The following CCDC80 variants were observed in gnomAD, a reference collection of about 807,000 sequenced individuals.
The protein encoded by CCDC80 is coiled-coil domain-containing protein 80.
A neutral mutation model predicts 78.7 loss-of-function variants in CCDC80; 49 were observed. The observed-to-expected ratio is 0.62, with a 90% CI of 0.50 to 0.79. The LOEUF is 0.79. CCDC80 is among the 30% of genes least tolerant of loss of function. CCDC80 has a pLI of 0.00. For missense variants in CCDC80, 1,205 were observed against 1,198.6 expected (o/e 1.01, Z -0.08); for synonymous variants, 488 against 447.0 (o/e 1.09, Z -1.16).
At chr3:112,629,984 G>T in intron 3 of CCDC80, 129 bp downstream of exon 3, 1 of 820,580 alleles carries the variant, frequency 1.2e-6, no homozygotes, top group Non-Finnish European at 1.9e-6. Context: ...ACTGACCTGT[G>T]TTATCACAAC....
chr3:112,629,120 T>C (rs905170965), intron 3 of CCDC80, among the ~76,000 whole-genome samples: 16 of 152,182 alleles, frequency 1.1e-4, no homozygotes, highest in South Asian at 2.1e-4. Context: ...AAAATCTGTG[T>C]GATAATGTTA....
In CCDC80 at chr3:112,599,499, G is replaced by A. The variant is rs1357634994; in HGVS notation, c.*5918C>T. On this transcript the variant is annotated 3_prime_UTR_variant, in exon 8 of 8. Coordinates refer to ENST00000206423, the MANE Select transcript of CCDC80 (RefSeq NM_199511.3). ...TGAGGTAAAGGACAGCCAAGGAAGAGAAAGGAAAGAAAAGCAATCCGGCAG... is the reference window on the plus strand; with the variant it reads ...TGAGGTAAAGGACAGCCAAGGAAGAAAAAGGAAAGAAAAGCAATCCGGCAG... 1.3e-5 allele frequency: 2 copies of A among 151,574 alleles called. No homozygotes were observed. Among genetic ancestry groups the A allele is most frequent in the Non-Finnish European group, 2.9e-5 (2 of 68,220 alleles). 9.4% of individuals were successfully genotyped at this position (151,574 alleles called of 1,614,324 possible).
chr3:112,627,518 A>G (rs1936001473), intron 3 of CCDC80, among the ~76,000 whole-genome samples: 1 of 152,242 alleles, frequency 6.6e-6, no homozygotes, highest in Non-Finnish European at 1.5e-5. Context: ...CCTGCTTTCA[A>G]GGCCCAGTAA....
In CCDC80 at chr3:112,605,432, A is replaced by G. The variant is rs755779646; in HGVS notation, c.2838T>C (p.His946=). Residue 946 remains histidine, a synonymous_variant, in exon 8 of 8, where the codon CAT becomes CAC. Transcript: ENST00000206423. ...ATATTTCTGCTCAGTAAGGGTATCC[A>G]TGGTGATAACTCTCATGATGACGGT... The part of the protein sequence containing the change: ...DDYRHHESYH[H]GYPY 2 of 1,612,758 alleles carry G rather than the reference A, an allele frequency of 1.2e-6. No homozygotes were observed. Among genetic ancestry groups the G allele is most frequent in the South Asian group, 1.1e-5 (1 of 91,010 alleles).
intron 5 of CCDC80, among the ~76,000 whole-genome samples, chr3:112,616,422 A>G (rs912752250): frequency 6.9e-6 from 1 of 145,188 alleles, no homozygotes; most frequent in Admixed American, 7.0e-5. Context: ...TATATTCTGT[A>G]CCAAAGAAAG....
At chr3:112,608,773 A>T (rs969138275) in intron 6 of CCDC80, among the ~76,000 whole-genome samples, 4 of 152,188 alleles carry the variant, frequency 2.6e-5, no homozygotes, top group African/African-American at 9.6e-5. Flanking sequence ...ATTAACCTTG[A>T]TAATAGGAGT....
At chr3:112,621,190 T>C (rs956325829) in intron 3 of CCDC80, among the ~76,000 whole-genome samples, 1 of 152,202 alleles carries the variant, frequency 6.6e-6, no homozygotes, top group South Asian at 2.1e-4. Flanking sequence ...AGCGCATCTA[T>C]ATCACTTGCT....
At chr3:112,628,616 A>C (rs1283567657) in intron 3 of CCDC80, among the ~76,000 whole-genome samples, 1 of 152,128 alleles carries the variant, frequency 6.6e-6, no homozygotes, top group Non-Finnish European at 1.5e-5. Context: ...GTAAATTGTG[A>C]CCCTGGATTT....
Position 112,637,794 on chromosome 3 carries a change from A to G in CCDC80, c.1878+234T>C, listed in dbSNP as rs536947807. On this transcript the variant is annotated intron_variant, in intron 2 of 7. Coordinates refer to ENST00000206423, the MANE Select transcript of CCDC80 (RefSeq NM_199511.3). ...GGGCTCATGTGTAGGGTCCCCAGCC[A>G]CTGACTTTGTACCACAGGGCCATGA... Among the ~76,000 whole-genome samples the G allele has an allele frequency of 7.9e-5, 12 of 152,292 alleles. No homozygotes were observed. In the South Asian group the frequency reaches 2.5e-3, roughly 32 times the overall value.
chr3:112,611,663 T>C (rs1303970042), intron 5 of CCDC80, among the ~76,000 whole-genome samples: 1 of 152,214 alleles, frequency 6.6e-6, no homozygotes, highest in African/African-American at 2.4e-5. Context: ...ATATTTTGGC[T>C]GGTGCTATCA....
At chr3:112,627,866 GAA>G (rs60731413) in intron 3 of CCDC80, among the ~76,000 whole-genome samples, 15 of 119,954 alleles carry the variant, frequency 1.3e-4, no homozygotes, top group African/African-American at 3.4e-4. Flanking sequence ...CAATAAGGCA[GAA>G]AAAAAAAAAA....
chr3:112,617,027 G>T (rs1407362475), intron 4 of CCDC80, among the ~76,000 whole-genome samples, 169 bp from the exon 5 acceptor site: 2 of 152,194 alleles, frequency 1.3e-5, no homozygotes, highest in African/African-American at 4.8e-5. Context: ...ACCCTTTGCT[G>T]ATGTTTTGAG....
At chr3:112,606,528 C>T (rs1396567760) in intron 7 of CCDC80, among the ~76,000 whole-genome samples, 1 of 152,166 alleles carries the variant, frequency 6.6e-6, no homozygotes, top group South Asian at 2.1e-4. Flanking sequence ...GAGGTTCAAG[C>T]GATTGTCCTA....
In CCDC80 at chr3:112,639,139, G is replaced by A. The variant is rs1315373771; in HGVS notation, c.767C>T (p.Ala256Val). ...GCCTTGGTCGATGACCTCGTACATG[G>A]CTTCCAGCCTAACGGGATATGGATA... ...ERYPYPVRLEAMYEVIDQGPI... is the reference protein window; with the variant it reads ...ERYPYPVRLEVMYEVIDQGPI... The change falls in exon 2 of 8, where the codon GCC becomes GTC. Residue 256 changes from alanine (A) to valine (V), a missense_variant. Physicochemically the swap from Ala to Val is moderately conservative, Grantham distance 64. Coordinates refer to ENST00000206423, the MANE Select transcript of CCDC80 (RefSeq NM_199511.3). 3.7e-6 allele frequency: 6 copies of A among 1,614,004 alleles called. No homozygotes were observed. Among genetic ancestry groups the A allele is most frequent in the Non-Finnish European group, 5.1e-6 (6 of 1,180,028 alleles).
intron 7 of CCDC80, 80 bp from the exon 8 acceptor site, chr3:112,605,843 CT>C: frequency 8.4e-7 from 1 of 1,194,096 alleles, no homozygotes; most frequent in African/African-American, 1.5e-5. Flanking sequence ...GAGGAAATTA[CT>C]GTGAGAATAG....
Position 112,607,257 on chromosome 3 carries a change from C to T in CCDC80, c.2426-1G>A. The T allele has an allele frequency of 5.0e-6, 8 of 1,607,890 alleles. No individual in the cohort carries two copies. Among genetic ancestry groups the T allele is most frequent in the Non-Finnish European group, 6.8e-6 (8 of 1,178,240 alleles). ...TTCAGAATGGTTATGTGGCGCAGAC[C>T]TGAGAGAAAAAAGAAAACCATAGGA... On this transcript the variant is annotated splice_acceptor_variant, in intron 6 of 7. Transcript: ENST00000206423. LOFTEE classifies it high-confidence loss of function.
rs1936239204 is a variant in CCDC80 at position 112,637,961 on chromosome 3, T to C, written c.1878+67A>G. 5 of 1,532,438 alleles carry C rather than the reference T, an allele frequency of 3.3e-6. No homozygotes were observed. In the South Asian group the frequency reaches 6.7e-5, roughly 20 times the overall value. The allele number at this position is 1,532,438 out of a possible 1,614,324, so 94.9% of individuals were successfully genotyped here. On this transcript the variant is annotated intron_variant, in intron 2 of 7. Transcript: ENST00000206423. ...TCTAGCAATATGATTTTTACAAAACTAACAAGACAGACGTTAACATGCCCT... is the reference window on the plus strand; with the variant it reads ...TCTAGCAATATGATTTTTACAAAACCAACAAGACAGACGTTAACATGCCCT...
chr3:112,615,188 T>A (rs1256683083), intron 5 of CCDC80, among the ~76,000 whole-genome samples: 2 of 152,180 alleles, frequency 1.3e-5, no homozygotes, highest in African/African-American at 4.8e-5. Context: ...TTATATATCA[T>A]GATGTTACAT....
chr3:112,622,822 ATTTTTTTTT>A (rs373170477), intron 3 of CCDC80, among the ~76,000 whole-genome samples: 3 of 118,898 alleles, frequency 2.5e-5, no homozygotes, highest in East Asian at 2.6e-4. Context: ...TGCCCAGCTA[ATTTTTTTTT>A]TTTTTTTTTT....
Sources: gnomAD v4.1 joint callset for allele counts (sites outside exome capture counted in the v4.1 genomes callset) on GRCh38, gnomAD v4.1.1 for gene constraint, MANE v1.5 for transcripts, NCBI Gene and HGNC (gene_info 2026-07-23, HGNC 2026-07-21) for gene names.